The following NHSL2 variants were observed in gnomAD, a reference collection of about 807,000 sequenced individuals.
NHSL2 encodes NHS like 2.
In NHSL2, 27 loss-of-function variants were observed where a neutral mutation model predicts 53.4. That is an observed-to-expected ratio of 0.51 (90% CI 0.37 to 0.70). The LOEUF is 0.70. Ranked by LOEUF, NHSL2 falls within the 30% of genes least tolerant of loss-of-function variation. The pLI is 0.00. For synonymous variants in NHSL2, 408 were observed against 404.1 expected (o/e 1.01, Z -0.12); for missense variants, 892 against 980.1 (o/e 0.91, Z 1.20).
chrX:71,923,723 G>A (rs1423626017), intron 1 of NHSL2, among the ~76,000 whole-genome samples: 5 of 111,828 alleles, frequency 4.5e-5, no homozygotes, highest in African/African-American at 1.6e-4. Context: ...AGATGCCCAG[G>A]CTGCAGGCTG....
rs1187057742 is a variant in NHSL2 at position 72,138,247 on chromosome X, C to T, written c.893-194C>T. On this transcript the variant is annotated intron_variant, in intron 5 of 7. Coordinates refer to ENST00000633930, the MANE Select transcript of NHSL2 (RefSeq NM_001013627.3). The stretch of plus-strand genomic sequence containing the variant: ...AGCCATCTGGACCATTCAAGGGCAC[C>T]GTATGTCTCACTGTGGGGTGATGGG... Among the ~76,000 whole-genome samples the T allele has an allele frequency of 6.6e-4, 74 of 112,113 alleles. No homozygotes were observed. In the Admixed American group the frequency reaches 6.8e-3, roughly 10 times the overall value.
rs2147517072 is a variant in NHSL2, at chrX:72,133,985, G to A, written c.437-106G>A. On this transcript the variant is annotated intron_variant, in intron 2 of 7. Transcript: ENST00000633930. ...TGGAAATAGCCTAAAGAAAATGCAAGTCAGGCCTGGCAGCTAGAGCAGGAG... is the reference window on the plus strand; with the variant it reads ...TGGAAATAGCCTAAAGAAAATGCAAATCAGGCCTGGCAGCTAGAGCAGGAG... 5 of 844,285 alleles carry A rather than the reference G, an allele frequency of 5.9e-6. No individual in the cohort carries two copies. In the East Asian group the frequency reaches 1.8e-4, roughly 30 times the overall value. 69.6% of individuals were successfully genotyped at this position (844,285 alleles called of 1,213,427 possible).
rs766567520 is a variant in NHSL2 at position 72,139,276 on chromosome X, A to G, written c.1728A>G (p.Ser576=). Residue 576 remains serine, a synonymous_variant, in exon 6 of 8, where the codon TCA becomes TCG. Coordinates refer to ENST00000633930, the MANE Select transcript of NHSL2 (RefSeq NM_001013627.3). Reference sequence around the variant, plus strand: ...CTTCCCCACCCACACGCAGTGTCTCACTGGTCAAAGATGAGCCAGGCCTCT... The same window carrying G: ...CTTCCCCACCCACACGCAGTGTCTCGCTGGTCAAAGATGAGCCAGGCCTCT... ...KKPSPPTRSV[S]LVKDEPGLLP... 2 of 1,201,337 alleles carry G rather than the reference A, an allele frequency of 1.7e-6. No individual in the cohort carries two copies. The highest frequency in any genetic ancestry group is 2.2e-6 in the Non-Finnish European group (2 of 889,747).
chrX:72,080,571 C>CGT (rs10580313), intron 1 of NHSL2, among the ~76,000 whole-genome samples: 2,611 of 97,023 alleles, frequency 0.027, 71 homozygotes, highest in African/African-American at 0.08. Flanking sequence ...GAATTCTGCA[C>CGT]GTGTGTGTGT....
At chrX:72,071,957 C>T (rs1482840625) in intron 1 of NHSL2, among the ~76,000 whole-genome samples, 1 of 112,533 alleles carries the variant, frequency 8.9e-6, no homozygotes, top group Non-Finnish European at 1.9e-5. Context: ...TGGTCACTCT[C>T]GCTTATTCCA....
At chrX:72,004,680 C>T (rs1316424347) in intron 1 of NHSL2, among the ~76,000 whole-genome samples, 2 of 108,807 alleles carry the variant, frequency 1.8e-5, no homozygotes, top group East Asian at 5.8e-4. Context: ...AGCCCCCTAC[C>T]GCCCCGCCCC....
chrX:72,141,555 C>T (rs984027726), intron 6 of NHSL2, among the ~76,000 whole-genome samples: 3 of 111,518 alleles, frequency 2.7e-5, no homozygotes, highest in Admixed American at 9.5e-5. Context: ...TCTCCCTCCC[C>T]GCAGATTCCT....
chrX:71,989,480 C>T (rs1602297692), intron 1 of NHSL2, among the ~76,000 whole-genome samples: 1 of 110,934 alleles, frequency 9.0e-6, no homozygotes, highest in Admixed American at 9.6e-5. Context: ...AGGGAAATAT[C>T]ATAATTGCAA....
chrX:72,002,965 C>T (rs1446317502), intron 1 of NHSL2, among the ~76,000 whole-genome samples: 1 of 111,061 alleles, frequency 9.0e-6, no homozygotes, highest in Non-Finnish European at 1.9e-5. Context: ...TGGTGAGTCA[C>T]ATTCAATTGA....
At chrX:71,937,965 T>C (rs919347481) in intron 1 of NHSL2, among the ~76,000 whole-genome samples, 6 of 111,907 alleles carry the variant, frequency 5.4e-5, no homozygotes, top group Non-Finnish European at 1.1e-4. Flanking sequence ...CATAATGGCA[T>C]AGAAATATTC....
chrX:71,966,421 C>T (rs929787235), intron 1 of NHSL2, among the ~76,000 whole-genome samples: 1 of 111,967 alleles, frequency 8.9e-6, no homozygotes, highest in Admixed American at 9.5e-5. Context: ...TGATGTTAGC[C>T]ATAGGTTTTG....
intron 1 of NHSL2, among the ~76,000 whole-genome samples, chrX:72,068,661 C>T (rs1394547306): frequency 6.4e-5 from 3 of 47,120 alleles, no homozygotes; most frequent in Non-Finnish European, 1.0e-4. Context: ...TGTGTGTGTG[C>T]GTGTGTGTGT....
rs2042479702 is a variant in NHSL2 at position 72,148,345 on chromosome X, T to C, written c.*4771T>C. The C allele has an allele frequency of 9.0e-6, 1 of 111,530 alleles. No homozygotes were observed. The highest frequency in any genetic ancestry group is 9.5e-5 in the Admixed American group (1 of 10,521). The allele number at this position is 111,530 out of a possible 1,213,427, so 9.2% of individuals were successfully genotyped here. On this transcript the variant is annotated 3_prime_UTR_variant, in exon 8 of 8. Coordinates refer to ENST00000633930, the MANE Select transcript of NHSL2 (RefSeq NM_001013627.3). ...GGTACAACTTTACCTCCAATAAGCT[T>C]ACCTTTACAAGCTTCTGCTTTCCCT...
chrX:71,949,464 C>T (rs930888243), intron 1 of NHSL2, among the ~76,000 whole-genome samples: 3 of 111,615 alleles, frequency 2.7e-5, no homozygotes, highest in Non-Finnish European at 5.7e-5. Context: ...AAGTCTGGGC[C>T]GCCACCCAGC....
At chrX:71,936,820 C>A (rs1397450189) in intron 1 of NHSL2, among the ~76,000 whole-genome samples, 1 of 110,788 alleles carries the variant, frequency 9.0e-6, no homozygotes, top group Non-Finnish European at 1.9e-5. Flanking sequence ...CAGTTTGGGT[C>A]AGTGGTATGG....
chrX:72,045,217 G>A (rs2042298896), intron 1 of NHSL2, among the ~76,000 whole-genome samples: 2 of 112,295 alleles, frequency 1.8e-5, no homozygotes, highest in Non-Finnish European at 3.8e-5. Flanking sequence ...CTCAAGGCAG[G>A]TCTGCTACAG....
chrX:72,138,522 T>A lies in NHSL2; in HGVS notation c.974T>A (p.Val325Asp). The stretch of plus-strand genomic sequence containing the variant: ...CCCAGTCACTCAGTTCCAGAAGGGG[T>A]TCATGGAAGAGTTGCAGTTGGTCAG... ...IRPSHSVPEG[V>D]HGRVAVGQDA... Residue 325 changes from valine (V) to aspartate (D), a missense_variant, in exon 6 of 8, where the codon GTT becomes GAT. Transcript: ENST00000633930. 8.6e-7 allele frequency: 1 copy of A among 1,164,697 alleles called. No individual in the cohort carries two copies. The highest frequency in any genetic ancestry group is 1.1e-6 in the Non-Finnish European group (1 of 870,344).
intron 1 of NHSL2, among the ~76,000 whole-genome samples, chrX:72,116,411 A>T (rs2042139226): frequency 8.9e-6 from 1 of 112,735 alleles, no homozygotes; most frequent in Non-Finnish European, 1.9e-5. Flanking sequence ...ACTTATGCAC[A>T]TAAACAAGGT....
rs532545666 is a variant in NHSL2 at position 72,065,043 on chromosome X, C to T, written c.281-67036C>T. Among the ~76,000 whole-genome samples the T allele has an allele frequency of 2.1e-4, 23 of 111,549 alleles. No homozygotes were observed. In the South Asian group the frequency reaches 7.9e-3, roughly 38 times the overall value. On this transcript the variant is annotated intron_variant, in intron 1 of 7. Transcript: ENST00000633930. The stretch of plus-strand genomic sequence containing the variant: ...AGCAGTGAACCCATCAGAACAGCGC[C>T]TCCAGCACCCTACCCAACCTGGATG...
Sources: gnomAD v4.1 joint callset for allele counts (sites outside exome capture counted in the v4.1 genomes callset) on GRCh38, gnomAD v4.1.1 for gene constraint, MANE v1.5 for transcripts, NCBI Gene and HGNC (gene_info 2026-07-23, HGNC 2026-07-21) for gene names.